Variants in FOXN3 observed in about 807,000 individuals in gnomAD.
The protein encoded by FOXN3 is forkhead box N3.
Under a neutral mutation model 38.4 loss-of-function variants are expected in FOXN3, and 7 were observed. That is an observed-to-expected ratio of 0.18 (90% confidence interval 0.10 to 0.34). The LOEUF is 0.34. Among genes scored for constraint, FOXN3 ranks in the 10% least tolerant of loss-of-function variants. The pLI is 1.00. For missense variants in FOXN3, 456 were observed against 613.4 expected, an observed-to-expected ratio of 0.74 and a Z score of 2.71; for synonymous variants, 230 against 242.2, an observed-to-expected ratio of 0.95 and a Z score of 0.47.
Position 89,156,635 on chromosome 14 carries a change from CTTTTT to C in FOXN3, c.*5774_*5778del, listed in dbSNP as rs879747358. 1.4e-5 allele frequency: 2 copies of C among 145,262 alleles called. No individual in the cohort carries two copies. The highest frequency in any genetic ancestry group is 4.0e-4 in the East Asian group (2 of 5,020). The allele number at this position is 145,262 out of a possible 1,614,324, so 9.0% of individuals were successfully genotyped here. On this transcript the variant is annotated 3_prime_UTR_variant, in exon 6 of 6. Coordinates refer to ENST00000557258, the MANE Select transcript of FOXN3 (RefSeq NM_005197.4). ...TCTTGGTCTTCTGATTGCTTTATCACTTTTTTTTTTTTTCTGTAAAACAAAACAAA... is the reference window on the plus strand; with the variant it reads ...TCTTGGTCTTCTGATTGCTTTATCACTTTTTTTTCTGTAAAACAAAACAAA...
chr14:89,350,457 C>G (rs1888925255), intron 3 of FOXN3: 1 of 391,670 alleles, frequency 2.6e-6, no homozygotes, highest in Non-Finnish European at 4.5e-6. Flanking sequence ...CACCATGAAG[C>G]CTTCTGGAAG....
chr14:89,435,992 A>G (rs1434598522), intron 1 of FOXN3, among the ~76,000 whole-genome samples: 1 of 144,612 alleles, frequency 6.9e-6, no homozygotes, highest in African/African-American at 2.6e-5. Flanking sequence ...CACATCCTTC[A>G]TCACTCATTT....
chr14:89,288,123 C>T (rs367699347), intron 3 of FOXN3, among the ~76,000 whole-genome samples: 5 of 152,076 alleles, frequency 3.3e-5, no homozygotes, highest in South Asian at 4.2e-4. Flanking sequence ...AATGGGCACG[C>T]GATCAAGAGA....
intron 2 of FOXN3, among the ~76,000 whole-genome samples, chr14:89,410,602 G>A (rs970100850): frequency 4.6e-5 from 7 of 152,184 alleles, no homozygotes; most frequent in African/African-American, 1.7e-4. Context: ...GCCAGGCGTG[G>A]TGGCTCATGC....
intron 1 of FOXN3, among the ~76,000 whole-genome samples, chr14:89,490,243 C>T (rs1371715148): frequency 2.0e-5 from 3 of 152,228 alleles, no homozygotes; most frequent in Admixed American, 6.5e-5. Flanking sequence ...GTTAGCTTTG[C>T]TCCTGGTTCC....
At chr14:89,200,471 T>C (rs1888209041) in intron 4 of FOXN3, among the ~76,000 whole-genome samples, 1 of 152,096 alleles carries the variant, frequency 6.6e-6, no homozygotes, top group South Asian at 2.1e-4. Flanking sequence ...AATTCTAAGG[T>C]GGTGTTAGGA....
intron 1 of FOXN3, among the ~76,000 whole-genome samples, chr14:89,448,533 T>C (rs1013848785): frequency 8.5e-5 from 13 of 152,142 alleles, no homozygotes; most frequent in African/African-American, 3.1e-4. Flanking sequence ...CCACTGCTTC[T>C]CCCTCTCTCC....
intron 1 of FOXN3, among the ~76,000 whole-genome samples, chr14:89,597,520 T>C (rs1439463165): frequency 6.6e-6 from 1 of 152,242 alleles, no homozygotes; most frequent in African/African-American, 2.4e-5. Flanking sequence ...ATTTATTTTG[T>C]CTCTAGATTG....
chr14:89,590,778 C>G lies in FOXN3; in HGVS notation c.-15+28250G>C, dbSNP rs552099951. 4.6e-5 allele frequency among the ~76,000 whole-genome samples: 7 copies of G among 152,262 alleles called. No homozygotes were observed. The South Asian group carries it at 1.2e-3, about 27-fold the overall frequency. ...GTAAAACCTAGAAATACATCTCTAACCTTCCCCTCCATCCCCACCTTTCTG... is the reference window on the plus strand; with the variant it reads ...GTAAAACCTAGAAATACATCTCTAAGCTTCCCCTCCATCCCCACCTTTCTG... On this transcript the variant is annotated intron_variant, in intron 1 of 6. Transcript: ENST00000345097.
chr14:89,238,257 C>T (rs1022573794), intron 4 of FOXN3, among the ~76,000 whole-genome samples: 1 of 152,196 alleles, frequency 6.6e-6, no homozygotes, highest in Admixed American at 6.5e-5. Flanking sequence ...TCAATGGTAA[C>T]TGTGTTTACC....
chr14:89,299,242 C>T (rs1220390130), intron 3 of FOXN3, among the ~76,000 whole-genome samples: 1 of 152,122 alleles, frequency 6.6e-6, no homozygotes, highest in Non-Finnish European at 1.5e-5. Flanking sequence ...ATCATGGGGG[C>T]GGTTTCCCCC....
chr14:89,505,700 G>A (rs1185102161), intron 1 of FOXN3, among the ~76,000 whole-genome samples: 7 of 151,964 alleles, frequency 4.6e-5, no homozygotes, highest in Non-Finnish European at 7.4e-5. Context: ...CCACCACCCC[G>A]TCTGGGAAGT....
rs57791098 is a variant in FOXN3, at chr14:89,329,855, C to CAAAAAAAAA, written c.680+20808_680+20816dup. Among the ~76,000 whole-genome samples the CAAAAAAAAA allele has an allele frequency of 8.5e-4, 51 of 59,876 alleles. 1 individual carries two copies. The highest frequency in any genetic ancestry group is 1.8e-3 in the African/African-American group (30 of 16,902). 39.3% of individuals were successfully genotyped at this position (59,876 alleles called of 152,430 possible). A position where few individuals can be genotyped will look rare whatever the true frequency, so the allele number is the denominator to read the frequency against. ...TGGGCGACAGAGCGAGACTCAGTCT[C>CAAAAAAAAA]AAAAAAAAAAAAAAAAAAAAAAAAA... On this transcript the variant is annotated intron_variant, in intron 3 of 5. Coordinates refer to ENST00000557258, the MANE Select transcript of FOXN3 (RefSeq NM_005197.4).
intron 1 of FOXN3, among the ~76,000 whole-genome samples, chr14:89,560,145 G>C (rs1054374585): frequency 3.9e-5 from 6 of 152,120 alleles, no homozygotes; most frequent in African/African-American, 1.2e-4. Context: ...GAGAGAGAAG[G>C]GGGGAGTGCT....
intron 4 of FOXN3, among the ~76,000 whole-genome samples, chr14:89,240,192 A>G (rs1885100155): frequency 1.3e-5 from 2 of 152,202 alleles, no homozygotes; most frequent in African/African-American, 4.8e-5. Flanking sequence ...CAAACCTCCA[A>G]TCAGATCACT....
At chr14:89,260,140 T>C (rs1043693660) in intron 4 of FOXN3, among the ~76,000 whole-genome samples, 6 of 152,342 alleles carry the variant, frequency 3.9e-5, no homozygotes, top group Middle Eastern at 3.4e-3. Context: ...ATTTTTATAA[T>C]CCTGGGAATT....
intron 1 of FOXN3, among the ~76,000 whole-genome samples, chr14:89,599,490 G>A (rs968263794): frequency 3.9e-5 from 6 of 152,004 alleles, no homozygotes; most frequent in Non-Finnish European, 8.8e-5. Context: ...ATTAATCACA[G>A]TTATGGTAGG....
intron 5 of FOXN3, among the ~76,000 whole-genome samples, chr14:89,173,795 A>G (rs912360994): frequency 6.6e-6 from 1 of 152,180 alleles, no homozygotes; most frequent in Non-Finnish European, 1.5e-5. Context: ...GTTCGAGATC[A>G]GCCTGGGCAA....
At chr14:89,340,555 A>C (rs75771574) in intron 3 of FOXN3, among the ~76,000 whole-genome samples, 7 of 152,318 alleles carry the variant, frequency 4.6e-5, no homozygotes, top group Non-Finnish European at 1.0e-4. Flanking sequence ...CACGAACCTT[A>C]TGTAAGAAAA....
Sources: gnomAD v4.1 joint callset for allele counts (sites outside exome capture counted in the v4.1 genomes callset) on GRCh38, gnomAD v4.1.1 for gene constraint, MANE v1.5 for transcripts, NCBI Gene and HGNC (gene_info 2026-07-23, HGNC 2026-07-21) for gene names.